The following PTPRG variants were observed in gnomAD, a reference collection of about 807,000 sequenced individuals.
The protein encoded by PTPRG is protein tyrosine phosphatase receptor type G.
Under a neutral mutation model 165.3 loss-of-function variants are expected in PTPRG, and 102 were observed. The ratio of observed to expected loss-of-function variants is 0.62; its 90% CI spans 0.53 to 0.73. The LOEUF (loss-of-function observed/expected upper bound fraction) is 0.73. PTPRG is among the 30% of genes least tolerant of loss of function. The pLI is 0.00. For synonymous variants in PTPRG, 675 were observed against 669.5 expected (o/e 1.01, Z -0.13); for missense variants, 1,866 against 1,861.4 (o/e 1.00, Z -0.05).
chr3:61,908,654 TAGAA>T (rs2038719933), intron 2 of PTPRG, among the ~76,000 whole-genome samples: 1 of 152,068 alleles, frequency 6.6e-6, no homozygotes, highest in Admixed American at 6.6e-5. Flanking sequence ...TAAGGGCAGA[TAGAA>T]AGAAAGCAAA....
intron 4 of PTPRG, among the ~76,000 whole-genome samples, chr3:62,006,419 A>G (rs2041299951): frequency 6.6e-6 from 1 of 152,130 alleles, no homozygotes. Context: ...ATCTCTCCCT[A>G]CGATTTTTAT....
Position 61,752,802 on chromosome 3 carries a change from G to GAA in PTPRG, c.190+3830_190+3831dup, listed in dbSNP as rs532651498. On this transcript the variant is annotated intron_variant, in intron 2 of 29. Coordinates refer to ENST00000474889, the MANE Select transcript of PTPRG (RefSeq NM_002841.4). ...GACTGTCTCAAAAAAAAAAAAAAAA[G>GAA]AAAAAAAAAAAGAAAATATTTGCCA... Among the ~76,000 whole-genome samples the GAA allele has an allele frequency of 7.5e-3, 783 of 103,718 alleles. 12 individuals are homozygous for GAA. Among genetic ancestry groups the GAA allele is most frequent in the Admixed American group, 0.012 (115 of 9,626 alleles). The allele number at this position is 103,718 out of a possible 152,430, so 68.0% of individuals were successfully genotyped here. A position where few individuals can be genotyped will look rare whatever the true frequency, so the allele number is the denominator to read the frequency against.
chr3:62,191,565 C>T lies in PTPRG; in HGVS notation c.1130C>T (p.Pro377Leu). ...WSQPETIYHP[P>L]IMNYMISYSW... Reference sequence around the variant, plus strand: ...CAGCCGGAGACTATCTACCACCCACCCATCATGAACTACATGATCTCCTAC... The same window carrying T: ...CAGCCGGAGACTATCTACCACCCACTCATCATGAACTACATGATCTCCTAC... Residue 377 changes from proline to leucine, a missense_variant, in exon 9 of 30, where the codon CCC (proline) becomes CTC (leucine). Physicochemically the swap from Pro to Leu is moderately conservative, Grantham distance 98. This residue lies in a region of PTPRG where 1,452 missense variants were observed against 1,463.0 expected (regional missense o/e 0.99). Coordinates refer to ENST00000474889, the MANE Select transcript of PTPRG (RefSeq NM_002841.4). The T allele has an allele frequency of 6.2e-7, 1 of 1,614,040 alleles. No individual in the cohort carries two copies. The highest frequency in any genetic ancestry group is 8.5e-7 in the Non-Finnish European group (1 of 1,179,946).
At chr3:62,068,561 G>T (rs1246594484) in intron 4 of PTPRG, among the ~76,000 whole-genome samples, 1 of 152,072 alleles carries the variant, frequency 6.6e-6, no homozygotes, top group African/African-American at 2.4e-5. Flanking sequence ...CTGCAGCCTT[G>T]AACTCCTGGG....
At chr3:61,659,398 T>C (rs768857073) in intron 1 of PTPRG, 21 of 985,056 alleles carry the variant, frequency 2.1e-5, no homozygotes, top group Non-Finnish European at 2.4e-5. Flanking sequence ...GAGAAGAAGA[T>C]AGTTTGATGA....
chr3:61,789,457 C>A (rs1252294733), intron 2 of PTPRG, among the ~76,000 whole-genome samples: 1 of 152,218 alleles, frequency 6.6e-6, no homozygotes, highest in South Asian at 2.1e-4. Flanking sequence ...CTTGCCCTTA[C>A]AGAAATTCAT....
chr3:61,735,523 C>G (rs895866640), intron 1 of PTPRG, among the ~76,000 whole-genome samples: 10 of 122,524 alleles, frequency 8.2e-5, no homozygotes, highest in Non-Finnish European at 3.4e-5. Flanking sequence ...AACCCCAATT[C>G]CTTGAGTTTT....
chr3:61,993,299 C>G (rs748845348), intron 3 of PTPRG, among the ~76,000 whole-genome samples: 4 of 151,680 alleles, frequency 2.6e-5, no homozygotes, highest in Non-Finnish European at 5.9e-5. Flanking sequence ...CTCACCGCAA[C>G]CTCCGCCTCC....
At chr3:61,798,915 G>A (rs1339286921) in intron 2 of PTPRG, among the ~76,000 whole-genome samples, 2 of 152,100 alleles carry the variant, frequency 1.3e-5, no homozygotes, top group African/African-American at 4.8e-5. Flanking sequence ...GCGGTACAGA[G>A]CCAGCCTTCC....
At chr3:61,910,996 C>T (rs2038789212) in intron 2 of PTPRG, among the ~76,000 whole-genome samples, 1 of 152,312 alleles carries the variant, frequency 6.6e-6, no homozygotes, top group Middle Eastern at 3.4e-3. Context: ...TCTCTGGGCT[C>T]AGCACCTCTT....
At chr3:61,945,560 C>CAAAAAAAAAAAAAAA (rs71123242) in intron 2 of PTPRG, among the ~76,000 whole-genome samples, 5 of 55,458 alleles carry the variant, frequency 9.0e-5, no homozygotes, top group Admixed American at 2.8e-4. Context: ...ACTCCGTCAC[C>CAAAAAAAAAAAAAAA]AAAAAAAAAA....
intron 5 of PTPRG, among the ~76,000 whole-genome samples, chr3:62,113,859 C>T (rs1026920075): frequency 2.6e-5 from 4 of 152,108 alleles, no homozygotes; most frequent in Admixed American, 6.6e-5. Flanking sequence ...CACTAAATGG[C>T]GGTGCCATAA....
chr3:62,049,892 C>G (rs1197332180), intron 4 of PTPRG, among the ~76,000 whole-genome samples: 3 of 152,134 alleles, frequency 2.0e-5, no homozygotes, highest in Non-Finnish European at 2.9e-5. Flanking sequence ...GCTGTTTTTG[C>G]TGGACTTTGA....
chr3:62,086,278 A>ATTTTTTTTTTT (rs34119209), intron 5 of PTPRG, among the ~76,000 whole-genome samples: 2 of 148,172 alleles, frequency 1.3e-5, no homozygotes, highest in African/African-American at 2.5e-5. Context: ...TATGGTTTTA[A>ATTTTTTTTTTT]TTTTTTTTTT....
chr3:62,122,483 GA>G (rs1235139541), intron 5 of PTPRG, among the ~76,000 whole-genome samples: 2 of 151,534 alleles, frequency 1.3e-5, no homozygotes, highest in South Asian at 2.1e-4. Context: ...CCTCTTAAAA[GA>G]AAAAAAAGCT....
At chr3:61,693,405 G>A (rs2030352142) in intron 1 of PTPRG, among the ~76,000 whole-genome samples, 1 of 152,172 alleles carries the variant, frequency 6.6e-6, no homozygotes. Flanking sequence ...AACTCTCATG[G>A]TTAAATGCAT....
At position 61,934,009 on chromosome 3, in the gene PTPRG, G is replaced by A. The variant is rs2039425594; in HGVS notation, c.191-55616G>A. The stretch of plus-strand genomic sequence containing the variant: ...CTCATGCTTTCGCTCCTGCACCTGT[G>A]TTTTCGTGTCTGAATATTTTATGGG... On this transcript the variant is annotated intron_variant, in intron 2 of 29. Coordinates refer to ENST00000474889, the MANE Select transcript of PTPRG (RefSeq NM_002841.4). Among the ~76,000 whole-genome samples, 4 of 152,200 alleles carry A rather than the reference G, an allele frequency of 2.6e-5. No individual in the cohort carries two copies. The South Asian group carries it at 8.3e-4, about 31-fold the overall frequency.
chr3:61,859,532 T>A (rs1438252771), intron 2 of PTPRG, among the ~76,000 whole-genome samples: 1 of 152,240 alleles, frequency 6.6e-6, no homozygotes, highest in Middle Eastern at 3.4e-3. Flanking sequence ...AAAATTTGTT[T>A]AAGCGAAATT....
At chr3:61,774,974 A>G (rs752215948) in intron 2 of PTPRG, among the ~76,000 whole-genome samples, 8 of 152,164 alleles carry the variant, frequency 5.3e-5, no homozygotes, top group Non-Finnish European at 1.0e-4. Flanking sequence ...TGTGCCTTCC[A>G]TACTTCTGAA....
Sources: allele counts gnomAD v4.1 joint callset (sites outside exome capture counted in the v4.1 genomes callset), GRCh38; gene constraint gnomAD v4.1.1; regional missense constraint gnomAD v4.1.1; transcripts MANE v1.5; gene names NCBI Gene and HGNC (gene_info 2026-07-23, HGNC 2026-07-21).